UBE2E1: variants seen among roughly 807,000 people sequenced by gnomAD.
UBE2E1 encodes ubiquitin-conjugating enzyme E2 E1.
Under a neutral mutation model 21.4 loss-of-function variants are expected in UBE2E1, and 6 were observed. The ratio of observed to expected loss-of-function variants is 0.28; its 90% CI spans 0.15 to 0.55. The LOEUF (loss-of-function observed/expected upper bound fraction) is 0.55. Ranked by LOEUF, UBE2E1 falls within the 20% of genes least tolerant of loss-of-function variation. The pLI is 0.93. For missense variants in UBE2E1, 142 were observed against 236.5 expected (o/e 0.60, Z 2.62); for synonymous variants, 87 against 82.7 (o/e 1.05, Z -0.28).
chr3:23,837,904 C>G (rs1700004879), intron 3 of UBE2E1, among the ~76,000 whole-genome samples: 1 of 152,098 alleles, frequency 6.6e-6, no homozygotes. Context: ...GGGAATTTCC[C>G]TTTTCTTTCT....
intron 3 of UBE2E1, among the ~76,000 whole-genome samples, chr3:23,885,236 C>T (rs980866760): frequency 2.0e-5 from 3 of 152,146 alleles, no homozygotes; most frequent in African/African-American, 7.2e-5. Context: ...ATGAGGATTT[C>T]TACCCCCTAA....
chr3:23,823,064 C>G lies in UBE2E1; in HGVS notation c.203+11554C>G, dbSNP rs753180662. 6.6e-6 allele frequency among the ~76,000 whole-genome samples: 1 copy of G among 152,204 alleles called. No homozygotes were observed. The highest frequency in any genetic ancestry group is 2.1e-4 in the South Asian group (1 of 4,820). On this transcript the variant is annotated intron_variant, in intron 3 of 5. Transcript: ENST00000306627. This position sits in a 1 kb window ranked among gnomAD's most constrained non-coding sequence, Gnocchi z 4.2. Reference sequence around the variant, plus strand: ...GTTTCACCATGTTGGCCAGGCTAGTCGAAAACTCCTGACCTTGTGATCCAC... The same window carrying G: ...GTTTCACCATGTTGGCCAGGCTAGTGGAAAACTCCTGACCTTGTGATCCAC...
chr3:23,844,707 C>G (rs1168327150), intron 3 of UBE2E1, among the ~76,000 whole-genome samples: 4 of 152,154 alleles, frequency 2.6e-5, no homozygotes, highest in Non-Finnish European at 5.9e-5. Flanking sequence ...TTCTGATTTT[C>G]TAATTTTTGC....
At chr3:23,860,882 A>T (rs996004484) in intron 3 of UBE2E1, among the ~76,000 whole-genome samples, 2 of 152,232 alleles carry the variant, frequency 1.3e-5, no homozygotes, top group Non-Finnish European at 2.9e-5. Flanking sequence ...CTTTGAACTA[A>T]AATGAAGGTA....
chr3:23,820,896 A>G (rs1284458944), intron 3 of UBE2E1, among the ~76,000 whole-genome samples: 3 of 152,240 alleles, frequency 2.0e-5, no homozygotes, highest in African/African-American at 7.2e-5. Flanking sequence ...TTCTACAGAA[A>G]AAGGCATTGA....
chr3:23,829,948 TG>T (rs984478242), intron 3 of UBE2E1, among the ~76,000 whole-genome samples: 1 of 152,094 alleles, frequency 6.6e-6, no homozygotes, highest in Non-Finnish European at 1.5e-5. Flanking sequence ...TGTCAGGATA[TG>T]GGTATGCCAC....
At chr3:23,880,343 A>G (rs1701010205) in intron 3 of UBE2E1, among the ~76,000 whole-genome samples, 2 of 128,738 alleles carry the variant, frequency 1.6e-5, no homozygotes, top group African/African-American at 5.1e-5. Flanking sequence ...AGATGGCACC[A>G]CTGCACTCTA....
At chr3:23,883,100 C>T (rs1701093634) in intron 3 of UBE2E1, among the ~76,000 whole-genome samples, 2 of 152,180 alleles carry the variant, frequency 1.3e-5, no homozygotes, top group Non-Finnish European at 2.9e-5. Context: ...CCCATCTTTT[C>T]TTTAGTATCA....
At chr3:23,855,517 A>G (rs1306540912) in intron 3 of UBE2E1, among the ~76,000 whole-genome samples, 1 of 152,170 alleles carries the variant, frequency 6.6e-6, no homozygotes, top group Non-Finnish European at 1.5e-5. Flanking sequence ...TGTTCCTTAA[A>G]AATAATTGTA....
intron 3 of UBE2E1, among the ~76,000 whole-genome samples, chr3:23,829,210 G>T (rs1439979791): frequency 6.7e-6 from 1 of 149,814 alleles, no homozygotes; most frequent in Admixed American, 6.6e-5. Context: ...GCCTAGGCTG[G>T]AATGCAATGG....
At chr3:23,875,699 C>T (rs1315964638) in intron 3 of UBE2E1, among the ~76,000 whole-genome samples, 3 of 152,176 alleles carry the variant, frequency 2.0e-5, no homozygotes, top group African/African-American at 7.2e-5. Context: ...GTCTCCTTCC[C>T]ATAGTTAGGA....
At chr3:23,830,352 C>T (rs1699842414) in intron 3 of UBE2E1, among the ~76,000 whole-genome samples, 1 of 152,178 alleles carries the variant, frequency 6.6e-6, no homozygotes, top group African/African-American at 2.4e-5. Context: ...CCCCATCACA[C>T]ACAAAAATAA....
chr3:23,858,941 C>G (rs7429300), intron 3 of UBE2E1, among the ~76,000 whole-genome samples: 2 of 152,176 alleles, frequency 1.3e-5, no homozygotes, highest in African/African-American at 4.8e-5. Context: ...AACAATTTAC[C>G]TCATATCAAA....
At chr3:23,831,257 A>G (rs963788192) in intron 3 of UBE2E1, among the ~76,000 whole-genome samples, 12 of 152,292 alleles carry the variant, frequency 7.9e-5, no homozygotes, top group African/African-American at 2.4e-4. Context: ...ACTCTCATCT[A>G]TGCTCTCACT....
chr3:23,825,767 G>C (rs1336919186), intron 3 of UBE2E1, among the ~76,000 whole-genome samples: 2 of 152,164 alleles, frequency 1.3e-5, no homozygotes, highest in East Asian at 3.8e-4. Flanking sequence ...TAGGAAATGA[G>C]GTAGGCAGGG....
chr3:23,852,288 A>G (rs1700342504), intron 3 of UBE2E1, among the ~76,000 whole-genome samples: 1 of 151,948 alleles, frequency 6.6e-6, no homozygotes. Flanking sequence ...ATTTCCCTTA[A>G]TTTATTTCAA....
At chr3:23,890,440 G>GTCAC (rs1701373327) in intron 5 of UBE2E1, 69 bp from the exon 6 acceptor site, 25 of 1,483,032 alleles carry the variant, frequency 1.7e-5, no homozygotes, top group Non-Finnish European at 2.3e-5. Flanking sequence ...TACCCAAGCT[G>GTCAC]TCACTATTCG....
At chr3:23,818,436 T>C (rs936379887) in intron 3 of UBE2E1, among the ~76,000 whole-genome samples, 5 of 152,244 alleles carry the variant, frequency 3.3e-5, no homozygotes, top group African/African-American at 7.2e-5. Context: ...CAATGATTTC[T>C]GTCTTTGATT....
chr3:23,833,863 T>A (rs1420137954), intron 3 of UBE2E1, among the ~76,000 whole-genome samples: 2 of 152,112 alleles, frequency 1.3e-5, no homozygotes, highest in East Asian at 3.8e-4. Flanking sequence ...CTGGGCATGG[T>A]GGCATGTGCC....
Sources: gnomAD v4.1 joint callset for allele counts (sites outside exome capture counted in the v4.1 genomes callset) on GRCh38, gnomAD v4.1.1 for gene constraint, Gnocchi (gnomAD v3.1) non-coding constraint, MANE v1.5 for transcripts, NCBI Gene and HGNC (gene_info 2026-07-23, HGNC 2026-07-21) for gene names.